LPCAT2: variants seen among roughly 807,000 people sequenced by gnomAD.
The protein encoded by LPCAT2 is 1-AGP acyltransferase 11.
A neutral mutation model predicts 64.7 loss-of-function variants in LPCAT2; 58 were observed. The observed-to-expected ratio is 0.90, with a 90% CI of 0.73 to 1.12. The LOEUF (loss-of-function observed/expected upper bound fraction) is 1.12, where lower values mean the gene tolerates loss of function less well. Among genes scored for constraint, LPCAT2 ranks in the 50% most tolerant of loss-of-function variants. The pLI is 0.00. For synonymous variants in LPCAT2, 252 were observed against 245.3 expected (o/e 1.03, Z -0.26); for missense variants, 579 against 669.8 (o/e 0.86, Z 1.50).
intron 11 of LPCAT2, among the ~76,000 whole-genome samples, chr16:55,555,285 T>A (rs1366471699): frequency 6.6e-6 from 1 of 152,188 alleles, no homozygotes; most frequent in Non-Finnish European, 1.5e-5. Context: ...CTTTTAACAG[T>A]TTAATAATGT....
intron 11 of LPCAT2, 23 bp downstream of exon 11, chr16:55,551,125 A>C (rs754014529): frequency 1.3e-6 from 2 of 1,595,136 alleles, no homozygotes; most frequent in East Asian, 4.5e-5. Flanking sequence ...TTAATCTTTC[A>C]CATTTTTACT....
rs1320827757 is a variant in LPCAT2 at position 55,570,311 on chromosome 16, G to T, written c.1216-4320G>T. On this transcript the variant is annotated intron_variant, in intron 11 of 13. Transcript: ENST00000262134. ...GTGTTTTTAAAAGTTGGTTTATCTA[G>T]CTACCCCAGTCAGAAATCTTATCAG... Among the ~76,000 whole-genome samples, 3 of 152,094 alleles carry T rather than the reference G, an allele frequency of 2.0e-5. No individual in the cohort carries two copies. In the East Asian group the frequency reaches 5.8e-4, roughly 29 times the overall value.
chr16:55,566,192 G>A lies in LPCAT2; in HGVS notation c.1216-8439G>A, dbSNP rs573470191. Among the ~76,000 whole-genome samples the A allele has an allele frequency of 9.8e-5, 15 of 152,304 alleles. No homozygotes were observed. In the South Asian group the frequency reaches 2.5e-3, roughly 25 times the overall value. On this transcript the variant is annotated intron_variant, in intron 11 of 13. Coordinates refer to ENST00000262134, the MANE Select transcript of LPCAT2 (RefSeq NM_017839.5). ...CCCTATGGAATCAGAATCTCTGGGA[G>A]TGGAAATTCAGGACCTTGCATTTTA...
At chr16:55,553,117 AATCCCAGCTACCTGGGAGGC>A (rs1331400410) in intron 11 of LPCAT2, among the ~76,000 whole-genome samples, 25 of 152,190 alleles carry the variant, frequency 1.6e-4, no homozygotes, top group African/African-American at 3.4e-4. Context: ...ACATGCCTGT[AATCCCAGCTACCTGGGAGGC>A]TGAGGCAGGA....
intron 1 of LPCAT2, among the ~76,000 whole-genome samples, chr16:55,509,833 C>G (rs1962901528): frequency 6.6e-6 from 1 of 151,904 alleles, no homozygotes. Flanking sequence ...AGAGGAGAAT[C>G]CAAAACAGGA....
chr16:55,537,459 T>C (rs118151085), intron 7 of LPCAT2, 119 bp from the exon 8 acceptor site: 13,618 of 740,566 alleles, frequency 0.018, 253 homozygotes, highest in Admixed American at 0.067. Flanking sequence ...CATTTATAAA[T>C]GCAAAATATA....
At position 55,529,854 on chromosome 16, in the gene LPCAT2, A is replaced by G; in HGVS notation, c.549A>G (p.Gln183=). Reference sequence around the variant, plus strand: ...TTAAAGGACTGTTACGGGCTGTGCAACCAGTTTTGGTGTCCCGTGTAGATC... The same window carrying G: ...TTAAAGGACTGTTACGGGCTGTGCAGCCAGTTTTGGTGTCCCGTGTAGATC... ...PLIGRLLRAV[Q]PVLVSRVDPD... is the part of the protein sequence containing the mutation. The change falls in exon 4 of 14, where the codon CAA becomes CAG. Residue 183 remains glutamine, a synonymous_variant. Coordinates refer to ENST00000262134, the MANE Select transcript of LPCAT2 (RefSeq NM_017839.5). The G allele has an allele frequency of 6.2e-7, 1 of 1,611,072 alleles. No individual in the cohort carries two copies. Among genetic ancestry groups the G allele is most frequent in the Non-Finnish European group, 8.5e-7 (1 of 1,178,774 alleles).
At chr16:55,564,643 T>C (rs1963672195) in intron 11 of LPCAT2, among the ~76,000 whole-genome samples, 1 of 151,994 alleles carries the variant, frequency 6.6e-6, no homozygotes, top group East Asian at 1.9e-4. Flanking sequence ...TATATCCACA[T>C]GCAAAAGAAT....
At position 55,586,273 on chromosome 16, in the gene LPCAT2, T is replaced by C. The variant is rs139292046; in HGVS notation, c.*3175T>C. ...AACTCTTGTTTCTAGGTAATCGTTC[T>C]CTCTCAACAAACTTCTCAAGCGTCT... is the stretch of plus-strand genomic sequence containing the variant. On this transcript the variant is annotated 3_prime_UTR_variant, in exon 14 of 14. Transcript: ENST00000262134. The C allele has an allele frequency of 1.8e-4, 27 of 152,244 alleles. No individual in the cohort carries two copies. Among genetic ancestry groups the C allele is most frequent in the African/African-American group, 6.3e-4 (26 of 41,562 alleles). 9.4% of individuals were successfully genotyped at this position (152,244 alleles called of 1,614,324 possible).
intron 2 of LPCAT2, among the ~76,000 whole-genome samples, chr16:55,527,746 C>T (rs1362078445): frequency 6.6e-6 from 1 of 152,074 alleles, no homozygotes; most frequent in Non-Finnish European, 1.5e-5. Flanking sequence ...TCTGGAATTG[C>T]TTAAGTACAT....
chr16:55,579,319 C>G, intron 13 of LPCAT2, 75 bp downstream of exon 13: 1 of 1,398,098 alleles, frequency 7.2e-7, no homozygotes, highest in Non-Finnish European at 9.7e-7. Context: ...CTCAAGAGTA[C>G]TGTTTCTCTT....
At chr16:55,555,958 G>A (rs567410131) in intron 11 of LPCAT2, among the ~76,000 whole-genome samples, 3 of 152,202 alleles carry the variant, frequency 2.0e-5, no homozygotes, top group African/African-American at 7.2e-5. Context: ...GGGATTACAG[G>A]CATTCGCTCC....
chr16:55,547,763 T>C (rs1393609106), intron 9 of LPCAT2, among the ~76,000 whole-genome samples: 1 of 150,600 alleles, frequency 6.6e-6, no homozygotes, highest in Non-Finnish European at 1.5e-5. Context: ...TAGATAGAAA[T>C]TTTTTTTTTG....
intron 1 of LPCAT2, among the ~76,000 whole-genome samples, chr16:55,518,145 A>G (rs1248541140): frequency 6.6e-6 from 1 of 152,198 alleles, no homozygotes; most frequent in African/African-American, 2.4e-5. Flanking sequence ...ATTTTTTCAC[A>G]AGCAACAATC....
intron 1 of LPCAT2, 72 bp downstream of exon 1, chr16:55,509,424 G>T: frequency 1.5e-6 from 2 of 1,309,398 alleles, no homozygotes; most frequent in Non-Finnish European, 2.0e-6. Context: ...CAGGTAAGGG[G>T]TGTGGGTCTG....
At chr16:55,516,280 T>TG (rs1221398577) in intron 1 of LPCAT2, among the ~76,000 whole-genome samples, 1 of 67,426 alleles carries the variant, frequency 1.5e-5, no homozygotes, top group Non-Finnish European at 5.3e-5. Flanking sequence ...AATTTTTGTA[T>TG]TTTTTATAGA....
At chr16:55,562,144 C>T (rs866885459) in intron 11 of LPCAT2, among the ~76,000 whole-genome samples, 1 of 152,094 alleles carries the variant, frequency 6.6e-6, no homozygotes, top group Middle Eastern at 3.4e-3. Flanking sequence ...CAATCTGATT[C>T]CATTTTATTG....
At chr16:55,551,331 A>G (rs1280512701) in intron 11 of LPCAT2, 2 of 107,000 alleles carry the variant, frequency 1.9e-5, no homozygotes, top group Admixed American at 3.4e-4. Flanking sequence ...ATATCATATC[A>G]TATCATATCA....
At chr16:55,579,365 TTGA>T in intron 13 of LPCAT2, 121 bp downstream of exon 13, 1 of 944,862 alleles carries the variant, frequency 1.1e-6, no homozygotes, top group Non-Finnish European at 1.5e-6. Flanking sequence ...AATAGTAATA[TTGA>T]TGACCACAGT....
Sources: allele counts gnomAD v4.1 joint callset (sites outside exome capture counted in the v4.1 genomes callset), GRCh38; gene constraint gnomAD v4.1.1; transcripts MANE v1.5; gene names NCBI Gene and HGNC (gene_info 2026-07-23, HGNC 2026-07-21).